GPR176: variants seen among roughly 807,000 people sequenced by gnomAD.
GPR176 encodes G-protein coupled receptor 176.
A neutral mutation model predicts 35.4 loss-of-function variants in GPR176; 26 were observed. The observed-to-expected ratio is 0.74, with a 90% CI of 0.54 to 1.02. GPR176 has a LOEUF of 1.02. Among genes scored for constraint, GPR176 ranks in the 50% least tolerant of loss-of-function variants. The pLI is 0.00. For missense variants in GPR176, 597 were observed against 665.3 expected, an observed-to-expected ratio of 0.90 and a Z score of 1.13; for synonymous variants, 278 against 271.3, an observed-to-expected ratio of 1.02 and a Z score of -0.24.
chr15:39,802,618 G>A (rs1369251432), intron 2 of GPR176, among the ~76,000 whole-genome samples: 2 of 152,214 alleles, frequency 1.3e-5, no homozygotes, highest in Non-Finnish European at 2.9e-5. Flanking sequence ...CTGCTATAAA[G>A]ATATCTACTT....
chr15:39,889,663 T>C (rs1482539766), intron 1 of GPR176, among the ~76,000 whole-genome samples: 1 of 152,056 alleles, frequency 6.6e-6, no homozygotes, highest in Non-Finnish European at 1.5e-5. Context: ...CTGTCCCAAA[T>C]ATGAGAACGC....
intron 1 of GPR176, among the ~76,000 whole-genome samples, chr15:39,847,486 C>T (rs1173905812): frequency 6.6e-6 from 1 of 152,006 alleles, no homozygotes; most frequent in Non-Finnish European, 1.5e-5. Flanking sequence ...TGGCTCACAC[C>T]TATAATCCCA....
chr15:39,847,466 C>T (rs905297229), intron 1 of GPR176, among the ~76,000 whole-genome samples: 2 of 152,120 alleles, frequency 1.3e-5, no homozygotes, highest in Admixed American at 6.5e-5. Context: ...ACTCATGAGG[C>T]CGGGCACAAT....
rs1200095886 is a variant in GPR176 at position 39,801,141 on chromosome 15, C to G, written c.1539G>C (p.Val513=). The change falls in exon 3 of 3, where the codon GTG becomes GTC. Residue 513 remains valine, a synonymous_variant. Coordinates refer to ENST00000561100, the MANE Select transcript of GPR176 (RefSeq NM_007223.3). ...GAATTTACAATCCTTGCTAGGAATCCACCTTTGGAAAAATGCTCACTTTAT... is the reference window on the plus strand; with the variant it reads ...GAATTTACAATCCTTGCTAGGAATCGACCTTTGGAAAAATGCTCACTTTAT... ...RNNKVSIFPK[V]DS is the part of the protein sequence containing the mutation. The G allele has an allele frequency of 6.9e-6, 11 of 1,597,148 alleles. No homozygotes were observed. The highest frequency in any genetic ancestry group is 9.4e-6 in the Non-Finnish European group (11 of 1,169,766).
intron 1 of GPR176, among the ~76,000 whole-genome samples, chr15:39,844,978 C>T (rs573436299): frequency 6.6e-6 from 1 of 152,220 alleles, no homozygotes; most frequent in East Asian, 1.9e-4. Context: ...CAGTTCTAAC[C>T]GTATCTCAAG....
intron 1 of GPR176, among the ~76,000 whole-genome samples, chr15:39,868,232 T>A (rs1355891755): frequency 6.6e-6 from 1 of 152,180 alleles, no homozygotes; most frequent in Non-Finnish European, 1.5e-5. Context: ...CAAATGGGTT[T>A]CTCCAGGCTC....
In GPR176 at chr15:39,801,577, T is replaced by G. The variant is rs201992140; in HGVS notation, c.1103A>C (p.Gln368Pro). The G allele has an allele frequency of 5.0e-6, 8 of 1,614,090 alleles. No individual in the cohort carries two copies. In the East Asian group the frequency reaches 1.8e-4, roughly 36 times the overall value. ...CCCAATGTGGAACATCTCCAGGAGCTGGCTACCCGAGCGTATGCTGGGTTC... is the reference window on the plus strand; with the variant it reads ...CCCAATGTGGAACATCTCCAGGAGCGGGCTACCCGAGCGTATGCTGGGTTC... ...SLEPSIRSGSQLLEMFHIGQQ... is the reference protein window; with the variant it reads ...SLEPSIRSGSPLLEMFHIGQQ... The change falls in exon 3 of 3, where the codon CAG becomes CCG. Residue 368 changes from glutamine (Q) to proline (P), a missense_variant. Physicochemically the swap from Gln to Pro is moderately conservative, Grantham distance 76 (BLOSUM62 -1). Around this residue, in one of 3 missense-constraint regions of GPR176, gnomAD observed 251 missense variants for 255.4 expected, o/e 0.98. Coordinates refer to ENST00000561100, the MANE Select transcript of GPR176 (RefSeq NM_007223.3).
intron 1 of GPR176, among the ~76,000 whole-genome samples, chr15:39,863,820 A>G (rs2140831396): frequency 6.6e-6 from 1 of 152,350 alleles, no homozygotes; most frequent in South Asian, 2.1e-4. Context: ...AGCAGGCTGT[A>G]CCATCTAGGT....
chr15:39,815,302 C>T (rs1172136022), intron 1 of GPR176: 1 of 152,228 alleles, frequency 6.6e-6, no homozygotes, highest in Non-Finnish European at 1.5e-5. Context: ...ACTGAGGTCT[C>T]CCATGGGAGA....
intron 1 of GPR176, chr15:39,815,023 A>C (rs2140799770): frequency 6.6e-6 from 1 of 152,354 alleles, no homozygotes; most frequent in Non-Finnish European, 1.5e-5. Flanking sequence ...ACAGTAATAT[A>C]TGTACAGTGC....
At chr15:39,858,412 GA>G (rs909093786) in intron 1 of GPR176, among the ~76,000 whole-genome samples, 24 of 149,626 alleles carry the variant, frequency 1.6e-4, no homozygotes, top group African/African-American at 4.6e-4. Flanking sequence ...AATTCCTACA[GA>G]AAAAAAAAAT....
chr15:39,840,017 C>T (rs1901645465), intron 1 of GPR176, among the ~76,000 whole-genome samples: 2 of 152,312 alleles, frequency 1.3e-5, no homozygotes, highest in South Asian at 2.1e-4. Context: ...AATAGGAATG[C>T]TTTCACACTA....
intron 1 of GPR176, among the ~76,000 whole-genome samples, chr15:39,818,338 T>C (rs1380082702): frequency 1.5e-4 from 23 of 152,282 alleles, no homozygotes; most frequent in Admixed American, 1.3e-3. Flanking sequence ...TAAGCAGGAG[T>C]TGAATTAACA....
intron 1 of GPR176, among the ~76,000 whole-genome samples, chr15:39,892,722 CA>C (rs2032922147): frequency 6.6e-6 from 1 of 152,232 alleles, no homozygotes; most frequent in African/African-American, 2.4e-5. Flanking sequence ...GCCAAGGATG[CA>C]GGCAGCCGCC....
At chr15:39,812,749 T>A (rs75969935) in intron 1 of GPR176, among the ~76,000 whole-genome samples, 4 of 145,488 alleles carry the variant, frequency 2.7e-5, no homozygotes, top group African/African-American at 1.1e-4. Flanking sequence ...AGCTTTATTT[T>A]TTTTTTTTTT....
At chr15:39,831,082 C>T (rs770884596) in intron 1 of GPR176, among the ~76,000 whole-genome samples, 4 of 152,134 alleles carry the variant, frequency 2.6e-5, no homozygotes, top group Non-Finnish European at 4.4e-5. Flanking sequence ...AAGGTTGGAA[C>T]GGGGGAACCT....
At chr15:39,818,782 C>G (rs388571) in intron 1 of GPR176, among the ~76,000 whole-genome samples, 88,068 of 152,034 alleles carry the variant, frequency 0.58, 25,634 homozygotes, top group Admixed American at 0.67. Flanking sequence ...CACACAGCAA[C>G]ATAGATACGG....
At chr15:39,829,314 G>C in intron 1 of GPR176, 2 of 1,378,862 alleles carry the variant, frequency 1.5e-6, no homozygotes, top group Non-Finnish European at 1.9e-6. Context: ...AGAAAGCCAT[G>C]AGGTCACAAA....
At chr15:39,853,380 T>C (rs2031000039) in intron 1 of GPR176, among the ~76,000 whole-genome samples, 1 of 151,794 alleles carries the variant, frequency 6.6e-6, no homozygotes, top group Non-Finnish European at 1.5e-5. Context: ...AGACAGAAAG[T>C]AGATTGGTGG....
Sources: allele counts gnomAD v4.1 joint callset (sites outside exome capture counted in the v4.1 genomes callset), GRCh38; gene constraint gnomAD v4.1.1; regional missense constraint gnomAD v4.1.1; transcripts MANE v1.5; gene names NCBI Gene and HGNC (gene_info 2026-07-23, HGNC 2026-07-21).